The following MEF2D variants were observed in gnomAD, a reference collection of about 807,000 sequenced individuals.
The protein encoded by MEF2D is myocyte-specific enhancer factor 2D.
A neutral mutation model predicts 59.3 loss-of-function variants in MEF2D; 10 were observed. The observed-to-expected ratio is 0.17, with a 90% CI of 0.10 to 0.29. MEF2D has a LOEUF of 0.29. Among genes scored for constraint, MEF2D ranks in the 10% least tolerant of loss-of-function variants. MEF2D has a pLI of 1.00. For synonymous variants in MEF2D, 305 were observed against 295.0 expected (o/e 1.03, Z -0.35); for missense variants, 508 against 699.4 (o/e 0.73, Z 3.09).
intron 3 of MEF2D, among the ~76,000 whole-genome samples, chr1:156,481,333 C>T (rs540449850): frequency 9.9e-5 from 15 of 152,264 alleles, no homozygotes; most frequent in African/African-American, 3.4e-4. Context: ...AGTCCCTGCC[C>T]GACCACCCTG....
At chr1:156,495,917 A>G (rs1405945152) in intron 1 of MEF2D, among the ~76,000 whole-genome samples, 2 of 152,148 alleles carry the variant, frequency 1.3e-5, no homozygotes, top group Non-Finnish European at 2.9e-5. Context: ...ATGAGTAAAT[A>G]TGGTCCCACC....
At chr1:156,478,391 G>A (rs1016703279) in intron 6 of MEF2D, among the ~76,000 whole-genome samples, 7 of 151,972 alleles carry the variant, frequency 4.6e-5, no homozygotes, top group African/African-American at 1.5e-4. Context: ...CCCAATTCCC[G>A]GACCACTCTG....
intron 4 of MEF2D, among the ~76,000 whole-genome samples, 186 bp from the exon 5 acceptor site, chr1:156,479,982 T>C (rs766946192): frequency 3.9e-5 from 6 of 152,202 alleles, no homozygotes; most frequent in South Asian, 4.1e-4. Flanking sequence ...GGAAGAACTT[T>C]GGGGAGAAAC....
intron 5 of MEF2D, 78 bp from the exon 6 acceptor site, chr1:156,479,424 G>C (rs2102093737): frequency 6.5e-7 from 1 of 1,531,528 alleles, no homozygotes; most frequent in African/African-American, 1.4e-5. Flanking sequence ...AACATGAAGA[G>C]GGGACCCCAG....
chr1:156,482,549 T>C lies in MEF2D; in HGVS notation c.146A>G (p.Asn49Ser), dbSNP rs1240913889. 6 of 1,614,086 alleles carry C rather than the reference T, an allele frequency of 3.7e-6. No homozygotes were observed. The highest frequency in any genetic ancestry group is 3.3e-5 in the South Asian group (3 of 91,084). ...CDCEIALIIFNHSNKLFQYAS... is the reference protein window; with the variant it reads ...CDCEIALIIFSHSNKLFQYAS... Reference sequence around the variant, plus strand: ...GTACTGGAACAGCTTGTTGGAGTGGTTGAAGATGATGAGTGCGATCTCGCA... The same window carrying C: ...GTACTGGAACAGCTTGTTGGAGTGGCTGAAGATGATGAGTGCGATCTCGCA... The change falls in exon 3 of 12, where the codon AAC becomes AGC. Residue 49 changes from asparagine (N) to serine (S), a missense_variant. Asn to Ser is a conservative substitution (Grantham distance 46). Coordinates refer to ENST00000348159, the MANE Select transcript of MEF2D (RefSeq NM_005920.4).
chr1:156,494,986 C>G (rs917802355), intron 1 of MEF2D, among the ~76,000 whole-genome samples: 3 of 152,152 alleles, frequency 2.0e-5, no homozygotes, highest in Non-Finnish European at 4.4e-5. Context: ...CAAGCCCAGC[C>G]TCTTGTGGTC....
At chr1:156,494,440 G>C (rs1287239285) in intron 1 of MEF2D, among the ~76,000 whole-genome samples, 2 of 152,202 alleles carry the variant, frequency 1.3e-5, no homozygotes, top group Non-Finnish European at 2.9e-5. Context: ...GTGGGGCTAA[G>C]TGTGGAGGAG....
intron 1 of MEF2D, among the ~76,000 whole-genome samples, chr1:156,486,975 AG>A (rs1162398012): frequency 6.6e-6 from 1 of 152,186 alleles, no homozygotes; most frequent in Non-Finnish European, 1.5e-5. Flanking sequence ...CTGCCCCTGA[AG>A]ATTTGGACAC....
chr1:156,483,317 C>G lies in MEF2D; in HGVS notation c.-25G>C. 1 of 1,613,588 alleles carries G rather than the reference C, an allele frequency of 6.2e-7. No individual in the cohort carries two copies. Among genetic ancestry groups the G allele is most frequent in the Admixed American group, 1.7e-5 (1 of 60,000 alleles). ...TCTTCTCCGGGGGTCCTCAGTGCTA[C>G]GGAGGGGAGGGGCTCGCTGGGTGGT... On this transcript the variant is annotated 5_prime_UTR_variant, in exon 2 of 12. Coordinates refer to ENST00000348159, the MANE Select transcript of MEF2D (RefSeq NM_005920.4).
chr1:156,478,467 AATGGC>A (rs1671761564), intron 6 of MEF2D, among the ~76,000 whole-genome samples: 1 of 152,170 alleles, frequency 6.6e-6, no homozygotes. Context: ...CCAGCCAGAC[AATGGC>A]ACAGGGTAGG....
Position 156,464,306 on chromosome 1 carries a change from A to C in MEF2D, c.*3339T>G, listed in dbSNP as rs1670700230. 6.6e-6 allele frequency: 1 copy of C among 152,506 alleles called. No individual in the cohort carries two copies. Among genetic ancestry groups the C allele is most frequent in the Non-Finnish European group, 1.5e-5 (1 of 68,016 alleles). 9.4% of individuals were successfully genotyped at this position (152,506 alleles called of 1,614,324 possible). A position where few individuals can be genotyped will look rare whatever the true frequency, so the allele number is the denominator to read the frequency against. On this transcript the variant is annotated 3_prime_UTR_variant, in exon 12 of 12. Coordinates refer to ENST00000348159, the MANE Select transcript of MEF2D (RefSeq NM_005920.4). ...TACACTTTTACATTTCTGTCTCTCC[A>C]AACAAATAAATAATCAGCAAGAGAA...
chr1:156,470,982 C>T (rs536797419), intron 9 of MEF2D, among the ~76,000 whole-genome samples: 7 of 152,260 alleles, frequency 4.6e-5, no homozygotes, highest in East Asian at 1.9e-4. Context: ...AGTCTCCTAA[C>T]GTTGGTCAGG....
chr1:156,475,171 C>T lies in MEF2D; in HGVS notation c.943G>A (p.Ala315Thr). Reference sequence around the variant, plus strand: ...CCCTGGCTGAGTAAACTCGGCGTTGCCACAGAAACCACTGGGGTGGTGAGC... The same window carrying T: ...CCCTGGCTGAGTAAACTCGGCGTTGTCACAGAAACCACTGGGGTGGTGAGC... ...HSLTTPVVSV[A>T]TPSLLSQGLP... is the part of the protein sequence containing the mutation. Residue 315 changes from alanine to threonine, a missense_variant, in exon 9 of 12, where the codon GCA becomes ACA. Coordinates refer to ENST00000348159, the MANE Select transcript of MEF2D (RefSeq NM_005920.4). 1 of 1,614,198 alleles carries T rather than the reference C, an allele frequency of 6.2e-7. No individual in the cohort carries two copies. Among genetic ancestry groups the T allele is most frequent in the Non-Finnish European group, 8.5e-7 (1 of 1,180,036 alleles).
At chr1:156,480,602 C>G in intron 4 of MEF2D, 1 of 1,521,164 alleles carries the variant, frequency 6.6e-7, no homozygotes, top group South Asian at 1.3e-5. Context: ...CGAAGCCACA[C>G]CATGCACCAC....
chr1:156,496,436 G>A (rs560189891), intron 1 of MEF2D, among the ~76,000 whole-genome samples: 23 of 152,322 alleles, frequency 1.5e-4, no homozygotes, highest in African/African-American at 5.1e-4. Flanking sequence ...GGAACACAGA[G>A]AGGGGCACGT....
chr1:156,495,065 G>C (rs1673049623), intron 1 of MEF2D, among the ~76,000 whole-genome samples: 1 of 152,202 alleles, frequency 6.6e-6, no homozygotes, highest in Non-Finnish European at 1.5e-5. Flanking sequence ...AGCAGGAGGG[G>C]TCTCGGAGTG....
At chr1:156,480,287 T>C (rs1481547422) in intron 4 of MEF2D, among the ~76,000 whole-genome samples, 1 of 152,134 alleles carries the variant, frequency 6.6e-6, no homozygotes, top group East Asian at 1.9e-4. Flanking sequence ...CTGCTTTCCC[T>C]ACACAAGGCT....
chr1:156,490,794 C>A (rs900275781), intron 1 of MEF2D, among the ~76,000 whole-genome samples: 1 of 152,204 alleles, frequency 6.6e-6, no homozygotes, highest in Admixed American at 6.5e-5. Flanking sequence ...GGGATGGGGT[C>A]ATCCTGTTCT....
chr1:156,476,616 G>T, intron 7 of MEF2D, 102 bp from the exon 8 acceptor site: 2 of 1,446,826 alleles, frequency 1.4e-6, no homozygotes, highest in African/African-American at 1.4e-5. Flanking sequence ...CTGCATAAGA[G>T]TAGGGTGGCT....
Sources: allele counts gnomAD v4.1 joint callset (sites outside exome capture counted in the v4.1 genomes callset), GRCh38; gene constraint gnomAD v4.1.1; transcripts MANE v1.5; gene names NCBI Gene and HGNC (gene_info 2026-07-23, HGNC 2026-07-21).